RBM26: variants seen among roughly 807,000 people sequenced by gnomAD.
RBM26 encodes the protein RNA binding motif protein 26, also known as RNA-binding protein 26.
In RBM26, 30 loss-of-function variants were observed where a neutral mutation model predicts 123.6. The ratio of observed to expected loss-of-function variants is 0.24; its 90% CI spans 0.18 to 0.33. The LOEUF (loss-of-function observed/expected upper bound fraction) is 0.33, where lower values mean the gene tolerates loss of function less well. RBM26 is among the 10% of genes least tolerant of loss of function. The pLI, the probability that RBM26 is intolerant of heterozygous loss-of-function variation, is 1.00. For missense variants in RBM26, 947 were observed against 1,203.6 expected, an observed-to-expected ratio of 0.79 and a Z score of 3.15; for synonymous variants, 400 against 404.4, an observed-to-expected ratio of 0.99 and a Z score of 0.13.
At chr13:79,391,824 A>C (rs960595691) in intron 1 of RBM26, among the ~76,000 whole-genome samples, 1 of 151,896 alleles carries the variant, frequency 6.6e-6, no homozygotes, top group African/African-American at 2.4e-5. Context: ...TTTCCCTAAT[A>C]CATGAAAAGC....
At chr13:79,359,307 G>C (rs1179968859) in intron 10 of RBM26, among the ~76,000 whole-genome samples, 1 of 152,096 alleles carries the variant, frequency 6.6e-6, no homozygotes, top group Non-Finnish European at 1.5e-5. Context: ...TATTCAACAG[G>C]TCTAAGTTAA....
chr13:79,361,972 G>C lies in RBM26; in HGVS notation c.1418-2286C>G, dbSNP rs535606338. ...AGTCAGACCTACAGATTTTGGTATG[G>C]CTCCTTCTATCTCCCTTTACCTCCC... On this transcript the variant is annotated intron_variant, in intron 9 of 21. Transcript: ENST00000438737. Among the ~76,000 whole-genome samples, 3 of 152,170 alleles carry C rather than the reference G, an allele frequency of 2.0e-5. No individual in the cohort carries two copies. The South Asian group carries it at 6.2e-4, about 32-fold the overall frequency.
intron 14 of RBM26, among the ~76,000 whole-genome samples, chr13:79,352,585 C>T (rs1002743013): frequency 1.1e-4 from 16 of 152,010 alleles, no homozygotes; most frequent in South Asian, 6.2e-4. Context: ...TATTGCTATG[C>T]TACCTCTATT....
In RBM26 at chr13:79,405,832, A is replaced by AGCCGCCGCT; in HGVS notation, c.-67_-59dup. 1.8e-6 allele frequency: 2 copies of AGCCGCCGCT among 1,137,392 alleles called. No individual in the cohort carries two copies. Among genetic ancestry groups the AGCCGCCGCT allele is most frequent in the Non-Finnish European group, 2.4e-6 (2 of 825,792 alleles). 70.5% of individuals were successfully genotyped at this position (1,137,392 alleles called of 1,614,324 possible). ...CGCCCGCCCAGGTCGCGGCCGCTAC[A>AGCCGCCGCT]GCCGCCGCTGCCCCCGCCCCCTCCT... On this transcript the variant is annotated 5_prime_UTR_variant, in exon 1 of 22. Coordinates refer to ENST00000438737, the MANE Select transcript of RBM26 (RefSeq NM_001366735.2).
intron 18 of RBM26, among the ~76,000 whole-genome samples, chr13:79,340,235 G>A (rs1038927444): frequency 1.3e-5 from 2 of 151,874 alleles, no homozygotes; most frequent in African/African-American, 4.8e-5. Context: ...GAATGCAAAG[G>A]TATGAACATT....
At chr13:79,315,292 A>T (rs1487066594), downstream of RBM26, among the ~76,000 whole-genome samples, 4 of 151,900 alleles carry the variant, frequency 2.6e-5, no homozygotes, top group Non-Finnish European at 2.9e-5. Context: ...GAAAATTTTC[A>T]CAGAGATGTG....
intron 5 of RBM26, 76 bp downstream of exon 5, chr13:79,370,869 C>A: frequency 6.8e-7 from 1 of 1,460,388 alleles, no homozygotes. Flanking sequence ...ACAACACTGA[C>A]AAAATGTTAA....
chr13:79,379,836 T>C (rs974183004), intron 1 of RBM26, among the ~76,000 whole-genome samples: 4 of 151,860 alleles, frequency 2.6e-5, no homozygotes, highest in Admixed American at 2.6e-4. Context: ...AGACAAAGGA[T>C]ATGAATAGAT....
chr13:79,353,089 A>G (rs2139467541), intron 14 of RBM26, 64 bp downstream of exon 14: 2 of 966,660 alleles, frequency 2.1e-6, no homozygotes, highest in East Asian at 5.4e-5. Context: ...AAAAATTAAA[A>G]ATTAAGATGC....
At chr13:79,405,599 A>T in intron 1 of RBM26, 105 bp downstream of exon 1, 1 of 688,164 alleles carries the variant, frequency 1.5e-6, no homozygotes, top group Non-Finnish European at 2.3e-6. Context: ...ACCTCCGTTC[A>T]CCGCTTCGGC....
At chr13:79,372,873 A>ATAAAT (rs1566502633) in intron 3 of RBM26, among the ~76,000 whole-genome samples, 3,577 of 27,508 alleles carry the variant, frequency 0.13, 935 homozygotes, top group Middle Eastern at 0.21. Flanking sequence ...ATATATTTAT[A>ATAAAT]ATATTTTATA....
intron 3 of RBM26, among the ~76,000 whole-genome samples, chr13:79,373,452 TAAA>T (rs1566507811): frequency 0.41 from 34,639 of 83,806 alleles, 8,094 homozygotes; most frequent in East Asian, 0.54. Flanking sequence ...ATATTATATA[TAAA>T]TATATATAAT....
rs1453952598 is a variant in RBM26, at chr13:79,320,559, T to C, written c.*62A>G. The C allele has an allele frequency of 1.4e-6, 2 of 1,410,406 alleles. No homozygotes were observed. Among genetic ancestry groups the C allele is most frequent in the African/African-American group, 2.9e-5 (2 of 67,854 alleles). 87.4% of individuals were successfully genotyped at this position (1,410,406 alleles called of 1,614,324 possible). On this transcript the variant is annotated 3_prime_UTR_variant, in exon 22 of 22. Transcript: ENST00000438737. ...GTTTTTACAAATATGTAAAAGTACATTAGATAATACTAATGAAACACAGGT... is the reference window on the plus strand; with the variant it reads ...GTTTTTACAAATATGTAAAAGTACACTAGATAATACTAATGAAACACAGGT...
At chr13:79,375,103 TATC>T (rs2076557397) in intron 3 of RBM26, among the ~76,000 whole-genome samples, 1 of 132,226 alleles carries the variant, frequency 7.6e-6, no homozygotes, top group Admixed American at 8.1e-5. Flanking sequence ...TATTTATATA[TATC>T]ATATAAATAT....
chr13:79,383,111 G>C (rs1010472411), intron 1 of RBM26, among the ~76,000 whole-genome samples: 4 of 151,800 alleles, frequency 2.6e-5, no homozygotes, highest in African/African-American at 9.7e-5. Context: ...AAAATAATCA[G>C]AGGCCTCCCA....
intron 14 of RBM26, among the ~76,000 whole-genome samples, chr13:79,349,084 C>T (rs1013904135): frequency 3.3e-5 from 5 of 152,022 alleles, no homozygotes; most frequent in African/African-American, 9.7e-5. Context: ...GTCAAGTCAC[C>T]GTAAGTTGAT....
intron 1 of RBM26, among the ~76,000 whole-genome samples, chr13:79,387,746 T>A (rs1041717514): frequency 6.6e-6 from 1 of 152,222 alleles, no homozygotes; most frequent in Non-Finnish European, 1.5e-5. Flanking sequence ...TTTTTCTTTA[T>A]GTCTTTCTAA....
At chr13:79,372,176 G>A (rs75489608) in intron 3 of RBM26, among the ~76,000 whole-genome samples, 7,559 of 152,174 alleles carry the variant, frequency 0.05, 627 homozygotes, top group African/African-American at 0.17. Context: ...CTACTCTGGA[G>A]GCTGAGGAAA....
chr13:79,330,891 T>C (rs951846195), intron 20 of RBM26, among the ~76,000 whole-genome samples: 19 of 152,120 alleles, frequency 1.2e-4, no homozygotes, highest in Non-Finnish European at 2.2e-4. Flanking sequence ...GCCCATCACA[T>C]AGCAGCACTT....
Sources: allele counts gnomAD v4.1 joint callset (sites outside exome capture counted in the v4.1 genomes callset), GRCh38; gene constraint gnomAD v4.1.1; transcripts MANE v1.5; gene names NCBI Gene and HGNC (gene_info 2026-07-23, HGNC 2026-07-21).